The following RGS7 variants were observed in gnomAD, a reference collection of about 807,000 sequenced individuals.
RGS7 encodes the protein regulator of G protein signaling 7.
A neutral mutation model predicts 81.1 loss-of-function variants in RGS7; 27 were observed. That is an observed-to-expected ratio of 0.33 (90% CI 0.25 to 0.46). The LOEUF (loss-of-function observed/expected upper bound fraction) is 0.46, where lower values mean the gene tolerates loss of function less well. Among genes scored for constraint, RGS7 ranks in the 20% least tolerant of loss-of-function variants. The pLI is 1.00. For missense variants in RGS7, 396 were observed against 607.4 expected (o/e 0.65, Z 3.66); for synonymous variants, 208 against 207.7 (o/e 1.00, Z -0.01).
At chr1:241,195,744 T>C (rs1312508014) in intron 2 of RGS7, among the ~76,000 whole-genome samples, 1 of 150,232 alleles carries the variant, frequency 6.7e-6, no homozygotes, top group African/African-American at 2.5e-5. Flanking sequence ...TACAGGACTA[T>C]TGAAAAAATA....
At chr1:241,355,870 C>T in intron 1 of RGS7, 44 bp from the exon 2 acceptor site, 2 of 1,007,054 alleles carry the variant, frequency 2.0e-6, no homozygotes, top group East Asian at 2.4e-5. Context: ...CAGTGGGACT[C>T]CCCTGATTCA....
chr1:241,128,243 C>G (rs1156559349), intron 2 of RGS7, among the ~76,000 whole-genome samples: 1 of 150,132 alleles, frequency 6.7e-6, no homozygotes, highest in Non-Finnish European at 1.5e-5. Flanking sequence ...CGCCACTGCA[C>G]TCCAGCCTGG....
chr1:240,934,818 T>C (rs1676309952), intron 5 of RGS7, among the ~76,000 whole-genome samples: 3 of 150,094 alleles, frequency 2.0e-5, no homozygotes, highest in African/African-American at 7.3e-5. Flanking sequence ...GTTCTAAAGC[T>C]CTTTTAAAAA....
Position 240,955,551 on chromosome 1 carries a change from C to CAAAA in RGS7, c.227-18849_227-18846dup, listed in dbSNP as rs369155474. Among the ~76,000 whole-genome samples, 29 of 140,264 alleles carry CAAAA rather than the reference C, an allele frequency of 2.1e-4. 1 individual carries two copies. The highest frequency in any genetic ancestry group is 6.8e-4 in the African/African-American group (25 of 36,764). The allele number at this position is 140,264 out of a possible 152,430, so 92.0% of individuals were successfully genotyped here. A position where few individuals can be genotyped will look rare whatever the true frequency, so the allele number is the denominator to read the frequency against. ...TGGGCGGCAGAGCAAGACTCTGTCT[C>CAAAA]AAAAAAAAAAAAAAAAAAAAAAAAA... On this transcript the variant is annotated intron_variant, in intron 4 of 18. Coordinates refer to ENST00000440928, the MANE Select transcript of RGS7 (RefSeq NM_001364886.1).
At chr1:241,321,412 A>G (rs1412236807) in intron 2 of RGS7, among the ~76,000 whole-genome samples, 1 of 152,198 alleles carries the variant, frequency 6.6e-6, no homozygotes, top group Non-Finnish European at 1.5e-5. Flanking sequence ...GGCGGATTCA[A>G]ACTCGATCCC....
intron 2 of RGS7, among the ~76,000 whole-genome samples, chr1:241,187,601 T>C (rs1367572937): frequency 2.6e-5 from 4 of 152,174 alleles, no homozygotes; most frequent in Non-Finnish European, 5.9e-5. Flanking sequence ...AGCTCTAATA[T>C]GCAGTACAGC....
Position 241,159,914 on chromosome 1 carries a change from C to T in RGS7, c.79-61152G>A, listed in dbSNP as rs150802052. On this transcript the variant is annotated intron_variant, in intron 2 of 18. Coordinates refer to ENST00000440928, the MANE Select transcript of RGS7 (RefSeq NM_001364886.1). ...CTGCTCCTTGGGTCATTTCATCATG[C>T]GTTTGGTAGAGCACTTACAACTTTA... Among the ~76,000 whole-genome samples the T allele has an allele frequency of 1.1e-3, 163 of 151,860 alleles. 1 individual carries two copies. Among genetic ancestry groups the T allele is most frequent in the Non-Finnish European group, 1.9e-3 (130 of 67,930 alleles).
chr1:241,040,770 G>A lies in RGS7; in HGVS notation c.176-57641C>T, dbSNP rs184083227. 9.9e-3 allele frequency among the ~76,000 whole-genome samples: 1,505 copies of A among 152,172 alleles called. 20 individuals are homozygous for A. The highest frequency in any genetic ancestry group is 0.035 in the African/African-American group (1,435 of 41,530). On this transcript the variant is annotated intron_variant, in intron 3 of 18. Transcript: ENST00000440928. ...CTCCCAAGGTGCTGGGATTACAGGC[G>A]GGAGCCACTGCACCCAGGCTTCTTT...
At chr1:240,784,080 G>A (rs562631307) in intron 18 of RGS7, among the ~76,000 whole-genome samples, 128 of 150,806 alleles carry the variant, frequency 8.5e-4, no homozygotes, top group African/African-American at 3.0e-3. Flanking sequence ...CCAGCTACTC[G>A]GGAGGCTGAG....
chr1:240,921,920 C>A (rs762613580), intron 6 of RGS7, among the ~76,000 whole-genome samples: 11 of 151,836 alleles, frequency 7.2e-5, no homozygotes, highest in Non-Finnish European at 1.2e-4. Flanking sequence ...AAGTGGAAAG[C>A]AAAAGACCCA....
intron 4 of RGS7, among the ~76,000 whole-genome samples, chr1:240,966,060 G>A (rs1324523923): frequency 1.3e-5 from 2 of 152,066 alleles, no homozygotes; most frequent in Non-Finnish European, 2.9e-5. Context: ...GCAATTCTGG[G>A]ATTTATGTGA....
chr1:241,322,085 G>A (rs2081245674), intron 2 of RGS7, among the ~76,000 whole-genome samples: 1 of 152,068 alleles, frequency 6.6e-6, no homozygotes, highest in Non-Finnish European at 1.5e-5. Context: ...TAACTCATCA[G>A]AAGCCCTCCT....
intron 6 of RGS7, among the ~76,000 whole-genome samples, chr1:240,929,756 C>T (rs2148340106): frequency 6.6e-6 from 1 of 152,312 alleles, no homozygotes; most frequent in East Asian, 1.9e-4. Context: ...AAAATCTTTC[C>T]TCTTAAGATC....
At position 241,041,516 on chromosome 1, in the gene RGS7, C is replaced by T. The variant is rs140472980; in HGVS notation, c.175+57150G>A. ...AGAAGAGATGTGGCCCTGTCTCTAC[C>T]TTGACAGTAAGCTCCAAATGCTGAC... On this transcript the variant is annotated intron_variant, in intron 3 of 18. Coordinates refer to ENST00000440928, the MANE Select transcript of RGS7 (RefSeq NM_001364886.1). 1.8e-3 allele frequency among the ~76,000 whole-genome samples: 277 copies of T among 152,226 alleles called. 2 individuals carry two copies. The highest frequency in any genetic ancestry group is 6.0e-3 in the African/African-American group (251 of 41,540).
chr1:240,915,652 C>T (rs1480984811), intron 6 of RGS7, among the ~76,000 whole-genome samples: 1 of 152,046 alleles, frequency 6.6e-6, no homozygotes, highest in Non-Finnish European at 1.5e-5. Flanking sequence ...GCCTGTATGC[C>T]TCATTTATTT....
chr1:241,254,473 A>T (rs1054445387), intron 2 of RGS7, among the ~76,000 whole-genome samples: 2 of 152,118 alleles, frequency 1.3e-5, no homozygotes, highest in Non-Finnish European at 2.9e-5. Context: ...CTGGTTTGCA[A>T]ATGGCGTCTT....
chr1:241,191,311 A>G lies in RGS7; in HGVS notation c.79-92549T>C, dbSNP rs188273313. 2.3e-3 allele frequency among the ~76,000 whole-genome samples: 357 copies of G among 152,208 alleles called. 2 individuals are homozygous for G. Among genetic ancestry groups the G allele is most frequent in the African/African-American group, 8.1e-3 (338 of 41,502 alleles). ...TTGTTATTTTTATGAGAATTTTTTTATCATAAATGAGTATTTAATTTTTTT... is the reference window on the plus strand; with the variant it reads ...TTGTTATTTTTATGAGAATTTTTTTGTCATAAATGAGTATTTAATTTTTTT... On this transcript the variant is annotated intron_variant, in intron 2 of 18. Transcript: ENST00000440928.
chr1:241,061,695 A>G (rs775930082), intron 3 of RGS7, among the ~76,000 whole-genome samples: 13 of 152,140 alleles, frequency 8.5e-5, no homozygotes, highest in Non-Finnish European at 1.8e-4. Flanking sequence ...TGCCTGAGCT[A>G]AGTCTAAAGG....
At chr1:241,076,482 T>C (rs2062807124) in intron 3 of RGS7, among the ~76,000 whole-genome samples, 1 of 152,196 alleles carries the variant, frequency 6.6e-6, no homozygotes, top group Non-Finnish European at 1.5e-5. Context: ...GAACAGACGA[T>C]CTGAAGCTAG....
Sources: gnomAD v4.1 joint callset for allele counts (sites outside exome capture counted in the v4.1 genomes callset) on GRCh38, gnomAD v4.1.1 for gene constraint, MANE v1.5 for transcripts, NCBI Gene and HGNC (gene_info 2026-07-23, HGNC 2026-07-21) for gene names.